XIRP1: variants seen among roughly 807,000 people sequenced by gnomAD.
XIRP1 encodes xin actin-binding repeat-containing protein 1.
For missense variants in XIRP1, 2,378 were observed against 2,345.4 expected (o/e 1.01, Z -0.29); for synonymous variants, 984 against 947.0 (o/e 1.04, Z -0.72).
In XIRP1 at chr3:39,184,917, T is replaced by A; in HGVS notation, c.4529A>T (p.Gln1510Leu). 1 of 1,582,792 alleles carries A rather than the reference T, an allele frequency of 6.3e-7. No individual in the cohort carries two copies. The highest frequency in any genetic ancestry group is 8.6e-7 in the Non-Finnish European group (1 of 1,163,050). ...GGGCTTTTGGTGGGCAGCAGGAGCC[T>A]GAGGAGCAGCCCCTCCCAGCTGGGG... The part of the protein sequence containing the change: ...AVPQLGGAAP[Q>L]APAAHQKPEA... The change falls in exon 2 of 2, where the codon CAG (glutamine) becomes CTG (leucine). Residue 1510 changes from glutamine (Q) to leucine (L), a missense_variant. By Grantham distance (113) the Gln-to-Leu change is moderately radical. Transcript: ENST00000340369.
Position 39,185,876 on chromosome 3 carries a change from C to T in XIRP1, c.3570G>A (p.Gly1190=), listed in dbSNP as rs1394976357. The change falls in exon 2 of 2, where the codon GGG becomes GGA. Residue 1190 remains glycine, a synonymous_variant. Coordinates refer to ENST00000340369, the MANE Select transcript of XIRP1 (RefSeq NM_194293.4). ...AGCCCCCAGGCTCCTCCCGCCCTGG[C>T]CCAGTACTCTGACCTGGGCCTCCCT... ...PLQGGPGQST[G]PGREEPGGCT... 6.2e-7 allele frequency: 1 copy of T among 1,613,422 alleles called. No homozygotes were observed. Among genetic ancestry groups the T allele is most frequent in the Admixed American group, 1.7e-5 (1 of 59,938 alleles).
chr3:39,189,650 G>C, intron 1 of XIRP1, 125 bp from the exon 2 acceptor site: 1 of 708,878 alleles, frequency 1.4e-6, no homozygotes, highest in Non-Finnish European at 2.2e-6. Context: ...CATGGTTCGT[G>C]GGCAACAGGT....
At chr3:39,190,751 G>C (rs1476506802) in intron 1 of XIRP1, among the ~76,000 whole-genome samples, 2 of 152,156 alleles carry the variant, frequency 1.3e-5, no homozygotes, top group Non-Finnish European at 2.9e-5. Context: ...CCAGAGGCCA[G>C]TAGGGAAAGA....
intron 1 of XIRP1, among the ~76,000 whole-genome samples, chr3:39,192,081 A>G (rs2040094952): frequency 6.6e-6 from 1 of 152,184 alleles, no homozygotes; most frequent in East Asian, 1.9e-4. Context: ...TCCTTCCTCC[A>G]GATCCTGGGC....
In XIRP1 at chr3:39,185,069, C is replaced by A; in HGVS notation, c.4377G>T (p.Glu1459Asp). Residue 1459 changes from glutamate (E) to aspartate (D), a missense_variant, in exon 2 of 2, where the codon GAG becomes GAT. Glu to Asp is a conservative substitution (Grantham distance 45). Transcript: ENST00000340369. Reference sequence around the variant, plus strand: ...GGTTTCTTTGCAGACTGTCAGGGCTCTCAGGGGCCCCTTGGTGGGAACCTT... The same window carrying A: ...GGTTTCTTTGCAGACTGTCAGGGCTATCAGGGGCCCCTTGGTGGGAACCTT... ...PMEGSHQGAP[E>D]SPDSLQRNQK... 1 of 1,524,170 alleles carries A rather than the reference C, an allele frequency of 6.6e-7. No individual in the cohort carries two copies. The allele number at this position is 1,524,170 out of a possible 1,614,324, so 94.4% of individuals were successfully genotyped here.
At chr3:39,190,763 T>C (rs544918958) in intron 1 of XIRP1, among the ~76,000 whole-genome samples, 19 of 152,240 alleles carry the variant, frequency 1.2e-4, no homozygotes, top group African/African-American at 4.6e-4. Context: ...AGGGAAAGAA[T>C]GGGAAGCACG....
In XIRP1 at chr3:39,184,483, A is replaced by T. The variant is rs773786314; in HGVS notation, c.4963T>A (p.Cys1655Ser). 1 of 1,614,170 alleles carries T rather than the reference A, an allele frequency of 6.2e-7. No individual in the cohort carries two copies. Among genetic ancestry groups the T allele is most frequent in the Non-Finnish European group, 8.5e-7 (1 of 1,180,050 alleles). The change falls in exon 2 of 2, where the codon TGC (cysteine) becomes AGC (serine). Residue 1655 changes from cysteine to serine, a missense_variant. Physicochemically the swap from Cys to Ser is moderately radical, Grantham distance 112. Transcript: ENST00000340369. ...CTGGAAGGTAAAACCCGAGGAGGGC[A>T]CAAATACTCTCTTGATGTCTCCTGC... ...RRQETSREYLCPPRVLPSSRD... is the reference protein window; with the variant it reads ...RRQETSREYLSPPRVLPSSRD...
chr3:39,185,880 G>C lies in XIRP1; in HGVS notation c.3566C>G (p.Thr1189Ser). The C allele has an allele frequency of 6.2e-7, 1 of 1,613,586 alleles. No individual in the cohort carries two copies. The change falls in exon 2 of 2, where the codon ACT becomes AGT. Residue 1189 changes from threonine (T) to serine (S), a missense_variant. Coordinates refer to ENST00000340369, the MANE Select transcript of XIRP1 (RefSeq NM_194293.4). Reference sequence around the variant, plus strand: ...CCCAGGCTCCTCCCGCCCTGGCCCAGTACTCTGACCTGGGCCTCCCTGGAG... The same window carrying C: ...CCCAGGCTCCTCCCGCCCTGGCCCACTACTCTGACCTGGGCCTCCCTGGAG... ...RPLQGGPGQS[T>S]GPGREEPGGC...
chr3:39,185,889 C>T lies in XIRP1; in HGVS notation c.3557G>A (p.Gly1186Asp), dbSNP rs1361495319. The T allele has an allele frequency of 6.2e-7, 1 of 1,613,510 alleles. No individual in the cohort carries two copies. The highest frequency in any genetic ancestry group is 8.5e-7 in the Non-Finnish European group (1 of 1,179,676). The part of the protein sequence containing the change: ...QAPRPLQGGP[G>D]QSTGPGREEP... Reference sequence around the variant, plus strand: ...CTCCCGCCCTGGCCCAGTACTCTGACCTGGGCCTCCCTGGAGTGGGCGGGG... The same window carrying T: ...CTCCCGCCCTGGCCCAGTACTCTGATCTGGGCCTCCCTGGAGTGGGCGGGG... Residue 1186 changes from glycine to aspartate, a missense_variant, in exon 2 of 2, where the codon GGT (glycine) becomes GAT (aspartate). Coordinates refer to ENST00000340369, the MANE Select transcript of XIRP1 (RefSeq NM_194293.4).
chr3:39,184,344 A>T lies in XIRP1; in HGVS notation c.5102T>A (p.Leu1701Gln). The T allele has an allele frequency of 6.2e-7, 1 of 1,614,146 alleles. No homozygotes were observed. Among genetic ancestry groups the T allele is most frequent in the Non-Finnish European group, 8.5e-7 (1 of 1,180,032 alleles). The change falls in exon 2 of 2, where the codon CTG becomes CAG. Residue 1701 changes from leucine (L) to glutamine (Q), a missense_variant. Physicochemically the swap from Leu to Gln is moderately radical, Grantham distance 113. Coordinates refer to ENST00000340369, the MANE Select transcript of XIRP1 (RefSeq NM_194293.4). ...CAGGGCCTGGCCTATGTCCTGAGCC[A>T]GTTGTGTGCTTTTCACTGAGACATC... ...NPDVSVKSTQ[L>Q]AQDIGQALLH...
chr3:39,191,862 G>A (rs1350826275), intron 1 of XIRP1, among the ~76,000 whole-genome samples: 1 of 152,196 alleles, frequency 6.6e-6, no homozygotes, highest in Admixed American at 6.5e-5. Context: ...TTCCCACTGG[G>A]CAAGACTATG....
In XIRP1 at chr3:39,188,902, G is replaced by T. The variant is rs140194759; in HGVS notation, c.544C>A (p.Pro182Thr). 152 of 1,613,040 alleles carry T rather than the reference G, an allele frequency of 9.4e-5. No homozygotes were observed. In the African/African-American group the frequency reaches 1.9e-3, roughly 20 times the overall value. ...CCCTGCACATCTCCGCTGGCTGCAGGCTCCCTCACAGTGGCCTCCAGTTCC... is the reference window on the plus strand; with the variant it reads ...CCCTGCACATCTCCGCTGGCTGCAGTCTCCCTCACAGTGGCCTCCAGTTCC... Reference protein sequence around the residue: ...AKELEATVREPAASGDVQGTR... With the variant: ...AKELEATVRETAASGDVQGTR... The change falls in exon 2 of 2, where the codon CCT (proline) becomes ACT (threonine). Residue 182 changes from proline (P) to threonine (T), a missense_variant. Transcript: ENST00000340369.
rs1348911162 is a variant in XIRP1, at chr3:39,185,345, A to G, written c.4101T>C (p.Asp1367=). 1.2e-6 allele frequency: 2 copies of G among 1,614,022 alleles called. No homozygotes were observed. Among genetic ancestry groups the G allele is most frequent in the African/African-American group, 2.7e-5 (2 of 74,912 alleles). The part of the protein sequence containing the change: ...GQREHQRGER[D]TAIPQPAKVP... ...CCTTGGCTGGCTGAGGGATGGCTGTATCTCTCTCACCTCGTTGGTGTTCTC... is the reference window on the plus strand; with the variant it reads ...CCTTGGCTGGCTGAGGGATGGCTGTGTCTCTCTCACCTCGTTGGTGTTCTC... The change falls in exon 2 of 2, where the codon GAT becomes GAC. Residue 1367 remains aspartate, a synonymous_variant. Transcript: ENST00000340369.
In XIRP1 at chr3:39,184,545, CTG is replaced by C; in HGVS notation, c.4899_4900del (p.Gly1635SerfsTer54). 6.2e-7 allele frequency: 1 copy of C among 1,613,880 alleles called. No individual in the cohort carries two copies. Among genetic ancestry groups the C allele is most frequent in the Non-Finnish European group, 8.5e-7 (1 of 1,180,048 alleles). On this transcript the variant is annotated frameshift_variant, in exon 2 of 2. Transcript: ENST00000340369. LOFTEE classifies it low-confidence loss of function (END_TRUNC). ...AGGGGCAGTTGAGGCTGTGTGACCTCTGGCCTCTGTGTGATTTCTGATCTTGA... is the reference window on the plus strand; with the variant it reads ...AGGGGCAGTTGAGGCTGTGTGACCTCGCCTCTGTGTGATTTCTGATCTTGA...
chr3:39,183,974 G>T lies in XIRP1; in HGVS notation c.5472C>A (p.Asp1824Glu). Residue 1824 changes from aspartate to glutamate, a missense_variant, in exon 2 of 2, where the codon GAC (aspartate) becomes GAA (glutamate). Coordinates refer to ENST00000340369, the MANE Select transcript of XIRP1 (RefSeq NM_194293.4). ...FLHSPAGFSSDLTEAETVQVS... is the reference protein window; with the variant it reads ...FLHSPAGFSSELTEAETVQVS... ...CCTGCACCGTCTCAGCTTCTGTCAG[G>T]TCACTGCTGAACCCAGCTGGGCTGT... 1 of 1,612,406 alleles carries T rather than the reference G, an allele frequency of 6.2e-7. No homozygotes were observed. Among genetic ancestry groups the T allele is most frequent in the African/African-American group, 1.3e-5 (1 of 75,014 alleles).
Position 39,184,679 on chromosome 3 carries a change from T to C in XIRP1, c.4767A>G (p.Thr1589=), listed in dbSNP as rs771522782. The change falls in exon 2 of 2, where the codon ACA becomes ACG. Residue 1589 remains threonine (T), a synonymous_variant. Transcript: ENST00000340369. ...KDHSAHKISV[T]VSSSARPSGS... ...CACTGGGCCTGGCGCTACTGCTGACTGTGACACTGATCTTGTGGGCACTGT... is the reference window on the plus strand; with the variant it reads ...CACTGGGCCTGGCGCTACTGCTGACCGTGACACTGATCTTGTGGGCACTGT... The C allele has an allele frequency of 1.2e-6, 2 of 1,614,242 alleles. No homozygotes were observed. The highest frequency in any genetic ancestry group is 2.2e-5 in the South Asian group (2 of 91,082).
At chr3:39,190,573 CAG>C (rs1281404926) in intron 1 of XIRP1, among the ~76,000 whole-genome samples, 1 of 152,098 alleles carries the variant, frequency 6.6e-6, no homozygotes, top group African/African-American at 2.4e-5. Context: ...GGCTCGGACT[CAG>C]GGGGGCTTCA....
In XIRP1 at chr3:39,183,835, C is replaced by T. The variant is rs879014999; in HGVS notation, c.*79G>A. 52 of 1,512,324 alleles carry T rather than the reference C, an allele frequency of 3.4e-5. 1 individual carries two copies. In the South Asian group the frequency reaches 5.9e-4, roughly 17 times the overall value. 93.7% of individuals were successfully genotyped at this position (1,512,324 alleles called of 1,614,324 possible). ...TCCTCTTGGTCCTTGCTCCAGTGTA[C>T]AGGAGGCAGGTACCCACTTCAGTCC... On this transcript the variant is annotated 3_prime_UTR_variant, in exon 2 of 2. Coordinates refer to ENST00000340369, the MANE Select transcript of XIRP1 (RefSeq NM_194293.4).
rs1248470750 is a variant in XIRP1 at position 39,187,955 on chromosome 3, G to C, written c.1491C>G (p.Thr497=). 6.2e-7 allele frequency: 1 copy of C among 1,614,200 alleles called. No homozygotes were observed. Among genetic ancestry groups the C allele is most frequent in the Non-Finnish European group, 8.5e-7 (1 of 1,180,042 alleles). ...QDSKGRLHAL[T]SVSREQIVGG... ...CGACTATCTGCTCTCTGCTAACAGA[G>C]GTCAGGGCATGGAGGCGGCCCTTGC... Residue 497 remains threonine (T), a synonymous_variant, in exon 2 of 2, where the codon ACC becomes ACG. Coordinates refer to ENST00000340369, the MANE Select transcript of XIRP1 (RefSeq NM_194293.4).
Sources: allele counts gnomAD v4.1 joint callset (sites outside exome capture counted in the v4.1 genomes callset), GRCh38; gene constraint gnomAD v4.1.1; transcripts MANE v1.5; gene names NCBI Gene and HGNC (gene_info 2026-07-23, HGNC 2026-07-21).